The following SLC24A3 variants were observed in gnomAD, a reference collection of about 807,000 sequenced individuals.
SLC24A3 encodes the protein sodium/potassium/calcium exchanger 3.
Under a neutral mutation model 75.8 loss-of-function variants are expected in SLC24A3, and 28 were observed. That is an observed-to-expected ratio of 0.37 (90% confidence interval 0.27 to 0.51). SLC24A3 has a LOEUF of 0.51. Among genes scored for constraint, SLC24A3 ranks in the 20% least tolerant of loss-of-function variants. SLC24A3 has a pLI of 0.94. For synonymous variants in SLC24A3, 372 were observed against 334.1 expected, an observed-to-expected ratio of 1.11 and a Z score of -1.24; for missense variants, 663 against 847.8, an observed-to-expected ratio of 0.78 and a Z score of 2.71.
At chr20:19,587,518 C>A (rs1213608778) in intron 6 of SLC24A3, among the ~76,000 whole-genome samples, 2 of 152,186 alleles carry the variant, frequency 1.3e-5, no homozygotes, top group East Asian at 3.9e-4. Flanking sequence ...ACAGTCCACG[C>A]GATGACTCTG....
chr20:19,231,465 G>A (rs1346627348), intron 1 of SLC24A3, among the ~76,000 whole-genome samples: 1 of 152,194 alleles, frequency 6.6e-6, no homozygotes, highest in Non-Finnish European at 1.5e-5. Context: ...GGAGGCAGGA[G>A]AGTCAGCCAG....
intron 6 of SLC24A3, among the ~76,000 whole-genome samples, chr20:19,594,467 T>C (rs1417338945): frequency 3.9e-5 from 6 of 152,234 alleles, no homozygotes; most frequent in Non-Finnish European, 5.9e-5. Flanking sequence ...AAAGCCAGGG[T>C]CATAGTCCAC....
At chr20:19,271,382 G>A (rs1983325885) in intron 1 of SLC24A3, among the ~76,000 whole-genome samples, 1 of 151,492 alleles carries the variant, frequency 6.6e-6, no homozygotes. Flanking sequence ...CTTCTACACT[G>A]CTGGTGGGAA....
chr20:19,526,291 G>C (rs1215238679), intron 3 of SLC24A3, among the ~76,000 whole-genome samples: 2 of 152,162 alleles, frequency 1.3e-5, no homozygotes, highest in African/African-American at 4.8e-5. Flanking sequence ...TGGAGGTCAC[G>C]AGTGCAAGCC....
chr20:19,502,494 A>G (rs1421176479), intron 2 of SLC24A3, among the ~76,000 whole-genome samples: 2 of 152,146 alleles, frequency 1.3e-5, no homozygotes, highest in Non-Finnish European at 2.9e-5. Context: ...GAAAGCCTAT[A>G]GGGACCACAT....
chr20:19,450,034 GAA>G (rs1235047082), intron 2 of SLC24A3, among the ~76,000 whole-genome samples: 1 of 152,178 alleles, frequency 6.6e-6, no homozygotes, highest in Non-Finnish European at 1.5e-5. Flanking sequence ...TGGGGAGAGA[GAA>G]GCAGAAGATG....
Position 19,647,877 on chromosome 20 carries a change from T to G in SLC24A3, c.613-6185T>G, listed in dbSNP as rs183023383. On this transcript the variant is annotated intron_variant, in intron 6 of 16. Coordinates refer to ENST00000328041, the MANE Select transcript of SLC24A3 (RefSeq NM_020689.4). The stretch of plus-strand genomic sequence containing the variant: ...TAGAAGCTTGTTTATTTGTCATTTG[T>G]TTTTCTCACACAAAACTAGAACTCA... Among the ~76,000 whole-genome samples the G allele has an allele frequency of 3.2e-3, 492 of 152,316 alleles. 1 individual carries two copies. The highest frequency in any genetic ancestry group is 0.016 in the South Asian group (78 of 4,822).
rs528342351 is a variant in SLC24A3, at chr20:19,424,745, CAAAAAAAA to C, written c.272-90724_272-90717del. Among the ~76,000 whole-genome samples, 53 of 49,150 alleles carry C rather than the reference CAAAAAAAA, an allele frequency of 1.1e-3. 1 individual carries two copies. Among genetic ancestry groups the C allele is most frequent in the African/African-American group, 3.5e-3 (45 of 12,974 alleles). 32.2% of individuals were successfully genotyped at this position (49,150 alleles called of 152,430 possible). A position where few individuals can be genotyped will look rare whatever the true frequency, so the allele number is the denominator to read the frequency against. ...CCCTTTCTCAAAAAAAAAACAACAACAAAAAAAAAAAAAAAAAAAAAAAAAACTTGAGC... is the reference window on the plus strand; with the variant it reads ...CCCTTTCTCAAAAAAAAAACAACAACAAAAAAAAAAAAAAAAAACTTGAGC... On this transcript the variant is annotated intron_variant, in intron 2 of 16. Coordinates refer to ENST00000328041, the MANE Select transcript of SLC24A3 (RefSeq NM_020689.4).
At chr20:19,550,463 A>G (rs925530602) in intron 3 of SLC24A3, among the ~76,000 whole-genome samples, 1 of 152,154 alleles carries the variant, frequency 6.6e-6, no homozygotes, top group Non-Finnish European at 1.5e-5. Context: ...GCCAATGAAC[A>G]CTCAGAAATT....
intron 2 of SLC24A3, among the ~76,000 whole-genome samples, chr20:19,410,824 T>G (rs1986731039): frequency 6.6e-6 from 1 of 152,216 alleles, no homozygotes; most frequent in Non-Finnish European, 1.5e-5. Flanking sequence ...TCTACAAACA[T>G]GTATTGAACA....
intron 15 of SLC24A3, among the ~76,000 whole-genome samples, chr20:19,707,803 C>T (rs1190218977): frequency 6.6e-6 from 1 of 152,146 alleles, no homozygotes; most frequent in African/African-American, 2.4e-5. Context: ...AGATGACATA[C>T]CAAATGTTCC....
At chr20:19,703,861 C>G (rs1389916168) in intron 15 of SLC24A3, among the ~76,000 whole-genome samples, 1 of 152,204 alleles carries the variant, frequency 6.6e-6, no homozygotes, top group Non-Finnish European at 1.5e-5. Flanking sequence ...GACTACCTCA[C>G]AGAGGGGGTT....
chr20:19,691,416 T>A (rs1293398534), intron 12 of SLC24A3, among the ~76,000 whole-genome samples: 4 of 151,804 alleles, frequency 2.6e-5, no homozygotes. Flanking sequence ...GCAGGGAGAG[T>A]GGCAGGTGCG....
At chr20:19,437,910 C>A (rs1987233574) in intron 2 of SLC24A3, among the ~76,000 whole-genome samples, 1 of 152,186 alleles carries the variant, frequency 6.6e-6, no homozygotes, top group Non-Finnish European at 1.5e-5. Context: ...ACCATTTTGC[C>A]ACAAGCTGGT....
intron 2 of SLC24A3, among the ~76,000 whole-genome samples, chr20:19,291,041 T>C (rs1467964244): frequency 1.3e-5 from 2 of 152,220 alleles, no homozygotes; most frequent in African/African-American, 4.8e-5. Flanking sequence ...TGCCTTGTCC[T>C]ATTTGTGGGT....
chr20:19,701,149 A>G (rs1044368655), intron 15 of SLC24A3, among the ~76,000 whole-genome samples: 2 of 152,098 alleles, frequency 1.3e-5, no homozygotes, highest in Admixed American at 1.3e-4. Context: ...TCTTCATGGC[A>G]CACAGTATGG....
chr20:19,662,741 T>C (rs577036144), intron 7 of SLC24A3, among the ~76,000 whole-genome samples: 20 of 152,386 alleles, frequency 1.3e-4, no homozygotes, highest in African/African-American at 4.8e-4. Context: ...TACAGAGGGA[T>C]ACGCAACACG....
In SLC24A3 at chr20:19,693,330, A is replaced by G; in HGVS notation, c.1396A>G (p.Asn466Asp). 2.5e-6 allele frequency: 4 copies of G among 1,614,044 alleles called. No individual in the cohort carries two copies. The highest frequency in any genetic ancestry group is 3.4e-6 in the Non-Finnish European group (4 of 1,180,004). The change falls in exon 13 of 17, where the codon AAC becomes GAC. Residue 466 changes from asparagine (N) to aspartate (D), a missense_variant. Physicochemically the swap from Asn to Asp is conservative, Grantham distance 23. This residue lies in a region of SLC24A3 where 510 missense variants were observed against 703.6 expected (regional missense o/e 0.72). Coordinates refer to ENST00000328041, the MANE Select transcript of SLC24A3 (RefSeq NM_020689.4). Reference sequence around the variant, plus strand: ...TTTCGTCTTATACTTCACTGTACCCAACTGCAACAAGCCGCGCTGGGAGAA... The same window carrying G: ...TTTCGTCTTATACTTCACTGTACCCGACTGCAACAAGCCGCGCTGGGAGAA... ...LSFVLYFTVPNCNKPRWEKWF... is the reference protein window; with the variant it reads ...LSFVLYFTVPDCNKPRWEKWF...
intron 1 of SLC24A3, among the ~76,000 whole-genome samples, chr20:19,247,543 C>T (rs1982530592): frequency 6.6e-6 from 1 of 152,100 alleles, no homozygotes; most frequent in Non-Finnish European, 1.5e-5. Context: ...TTTCTAGAGG[C>T]AGCAGACAGT....
Sources: allele counts gnomAD v4.1 joint callset (sites outside exome capture counted in the v4.1 genomes callset), GRCh38; gene constraint gnomAD v4.1.1; regional missense constraint gnomAD v4.1.1; transcripts MANE v1.5; gene names NCBI Gene and HGNC (gene_info 2026-07-23, HGNC 2026-07-21).